TMEM200C: variants seen among roughly 807,000 people sequenced by gnomAD.
TMEM200C encodes transmembrane protein TTMA.
For synonymous variants in TMEM200C, 462 were observed against 324.7 expected (o/e 1.42, Z -4.55); for missense variants, 966 against 699.9 (o/e 1.38, Z -4.29).
exon 3 of TMEM200C, chr18:5,885,747 T>C (rs1327855482): frequency 6.6e-6 from 1 of 152,198 alleles, no homozygotes; most frequent in Non-Finnish European, 1.5e-5. Context: ...TTCTTATCAA[T>C]TTAAAGAAGA....
chr18:5,893,976 T>C (rs939488326), intron 2 of TMEM200C, among the ~76,000 whole-genome samples: 1 of 152,252 alleles, frequency 6.6e-6, no homozygotes, highest in African/African-American at 2.4e-5. Flanking sequence ...ATTATGTGGT[T>C]GTAACATAGA....
At position 5,891,004 on chromosome 18, in the gene TMEM200C, C is replaced by A; in HGVS notation, c.1060G>T (p.Ala354Ser). The change falls in exon 3 of 3, where the codon GCG (alanine) becomes TCG (serine). Residue 354 changes from alanine (A) to serine (S), a missense_variant. Ala to Ser is a moderately conservative substitution (Grantham distance 99). Coordinates refer to ENST00000581347, the Ensembl canonical transcript of TMEM200C. The surrounding 1 kb of genome is among the most constrained non-coding windows in gnomAD (Gnocchi z 4.7). ...CAGCTCTCGGGTGGGCTGCAGGGCG[C>A]CGGACTGCTGCAGCTGCTAGCGGCT... 1 of 635,528 alleles carries A rather than the reference C, an allele frequency of 1.6e-6. No individual in the cohort carries two copies. Among genetic ancestry groups the A allele is most frequent in the South Asian group, 1.7e-5 (1 of 60,406 alleles). 39.4% of individuals were successfully genotyped at this position (635,528 alleles called of 1,614,324 possible). A position where few individuals can be genotyped will look rare whatever the true frequency, so the allele number is the denominator to read the frequency against.
At chr18:5,892,300 A>G (rs888308608) in intron 2 of TMEM200C, 143 bp from the exon 2 acceptor site, 1 of 576,818 alleles carries the variant, frequency 1.7e-6, no homozygotes. Flanking sequence ...AAGGCCGTGT[A>G]CAGAGGCTGG....
At position 5,892,042 on chromosome 18, in the gene TMEM200C, G is replaced by A. The variant is rs1408819696; in HGVS notation, c.22C>T (p.Leu8=). ...TCCTGCTTTCTGGCGGAAATCCTTA[G>A]CAGGCCGCCGGTGGCGATCATGGCG... The change falls in exon 3 of 3, where the codon CTA becomes TTA. Residue 8 remains leucine, a synonymous_variant. Coordinates refer to ENST00000581347, the Ensembl canonical transcript of TMEM200C. 3.1e-6 allele frequency: 5 copies of A among 1,613,416 alleles called. No individual in the cohort carries two copies. The South Asian group carries it at 5.5e-5, about 18-fold the overall frequency.
At chr18:5,884,685 T>C (rs2095164101) in exon 3 of TMEM200C, 1 of 152,146 alleles carries the variant, frequency 6.6e-6, no homozygotes, top group African/African-American at 2.4e-5. Context: ...TTTTAGGTTG[T>C]GTCTATACAA....
exon 3 of TMEM200C, chr18:5,890,489 G>T (rs745435400): frequency 9.7e-6 from 15 of 1,548,816 alleles, no homozygotes; most frequent in Non-Finnish European, 1.2e-5. Context: ...CATCCGACTG[G>T]GAGCTCCCGG....
Position 5,891,424 on chromosome 18 carries a change from G to C in TMEM200C, c.640C>G (p.Arg214Gly). Residue 214 changes from arginine to glycine, a missense_variant, in exon 3 of 3, where the codon CGC (arginine) becomes GGC (glycine). Transcript: ENST00000581347. This position sits in a 1 kb window ranked among gnomAD's most constrained non-coding sequence, Gnocchi z 4.7. ...GCGGCGGCCGCCAGGTCTTTGGCGCGGAGGCTGTGCACGTCGATGACGGTG... is the reference window on the plus strand; with the variant it reads ...GCGGCGGCCGCCAGGTCTTTGGCGCCGAGGCTGTGCACGTCGATGACGGTG... 1.3e-6 allele frequency: 2 copies of C among 1,541,948 alleles called. No homozygotes were observed. Among genetic ancestry groups the C allele is most frequent in the Non-Finnish European group, 1.7e-6 (2 of 1,142,950 alleles).
chr18:5,890,230 C>A, exon 3 of TMEM200C: 1 of 1,573,212 alleles, frequency 6.4e-7, no homozygotes, highest in Non-Finnish European at 8.7e-7. Context: ...TCTTCTTCTA[C>A]CCCTATGGCA....
chr18:5,890,969 C>T, exon 3 of TMEM200C: 1 of 660,048 alleles, frequency 1.5e-6, no homozygotes, highest in South Asian at 1.6e-5. Context: ...TGGCCGTGCT[C>T]TGGCGCCCCC....
rs369822552 is a variant in TMEM200C at position 5,890,585 on chromosome 18, C to T, written c.1479G>A (p.Ala493=). 4.7e-3 allele frequency: 6,047 copies of T among 1,277,084 alleles called. 19 individuals are homozygous for T. Among genetic ancestry groups the T allele is most frequent in the Middle Eastern group, 0.013 (47 of 3,694 alleles). The allele number at this position is 1,277,084 out of a possible 1,614,324, so 79.1% of individuals were successfully genotyped here. A position where few individuals can be genotyped will look rare whatever the true frequency, so the allele number is the denominator to read the frequency against. ...TGGCCAGAGGGCTGGAGTCCGGGTC[C>T]GCACTCCCCGGGGAGGGCGGGGGCT... Residue 493 remains alanine, a synonymous_variant, in exon 3 of 3, where the codon GCG becomes GCA. Transcript: ENST00000581347.
chr18:5,894,733 C>T (rs1405746483), intron 2 of TMEM200C, among the ~76,000 whole-genome samples: 6 of 152,200 alleles, frequency 3.9e-5, no homozygotes, highest in Non-Finnish European at 5.9e-5. Flanking sequence ...GGCGGCGACC[C>T]CCTGGCCCCT....
At position 5,891,451 on chromosome 18, in the gene TMEM200C, A is replaced by T; in HGVS notation, c.613T>A (p.Ser205Thr). Residue 205 changes from serine to threonine, a missense_variant, in exon 3 of 3, where the codon TCC becomes ACC. Ser to Thr is a moderately conservative substitution (Grantham distance 58, BLOSUM62 1). Transcript: ENST00000581347. The surrounding 1 kb of genome is among the most constrained non-coding windows in gnomAD (Gnocchi z 4.7). ...AGGCTGTGCACGTCGATGACGGTGG[A>T]GTAGAGGTCCCGCAGGTTGATGATT... 6.5e-7 allele frequency: 1 copy of T among 1,526,720 alleles called. No individual in the cohort carries two copies. The highest frequency in any genetic ancestry group is 8.8e-7 in the Non-Finnish European group (1 of 1,133,354). 94.6% of individuals were successfully genotyped at this position (1,526,720 alleles called of 1,614,324 possible).
chr18:5,890,584 C>T (rs988403655), exon 3 of TMEM200C: 1 of 1,280,290 alleles, frequency 7.8e-7, no homozygotes, highest in African/African-American at 1.6e-5. Flanking sequence ...GAGTCCGGGT[C>T]CGCACTCCCC....
At chr18:5,884,040 A>C (rs945452671) in exon 3 of TMEM200C, 2 of 152,188 alleles carry the variant, frequency 1.3e-5, no homozygotes, top group Non-Finnish European at 1.5e-5. Flanking sequence ...AAAATGAATC[A>C]TTAAATATAG....
At chr18:5,884,215 C>T (rs1345857175) in exon 3 of TMEM200C, 2 of 152,036 alleles carry the variant, frequency 1.3e-5, no homozygotes, top group African/African-American at 2.4e-5. Context: ...ATAAACACCT[C>T]TATGCTATGG....
chr18:5,890,104 C>G, exon 3 of TMEM200C: 1 of 1,158,450 alleles, frequency 8.6e-7, no homozygotes, highest in Non-Finnish European at 1.2e-6. Context: ...GTCCTCGGAT[C>G]AGTCCACAAA....
exon 3 of TMEM200C, chr18:5,889,294 C>T (rs747674730): frequency 3.9e-5 from 6 of 152,164 alleles, no homozygotes; most frequent in Non-Finnish European, 8.8e-5. Context: ...GCTGGACATG[C>T]GACAATGGTG....
exon 3 of TMEM200C, chr18:5,890,646 C>T: frequency 3.9e-6 from 3 of 760,952 alleles, no homozygotes; most frequent in Non-Finnish European, 5.5e-6. Flanking sequence ...CGGGAGCCCG[C>T]TGGTGCTGCG....
exon 3 of TMEM200C, chr18:5,885,092 C>G (rs1017333854): frequency 2.0e-5 from 3 of 152,138 alleles, no homozygotes; most frequent in South Asian, 2.1e-4. Context: ...TTTTAAGACA[C>G]TTTACATACA....
Sources: gnomAD v4.1 joint callset for allele counts (sites outside exome capture counted in the v4.1 genomes callset) on GRCh38, gnomAD v4.1.1 for gene constraint, Gnocchi (gnomAD v3.1) non-coding constraint, MANE v1.5 for transcripts, NCBI Gene and HGNC (gene_info 2026-07-23, HGNC 2026-07-21) for gene names.